Variants in SYN2 observed in about 807,000 individuals in gnomAD.
The protein encoded by SYN2 is synapsin II, also known as synapsin-2.
SYN2 carries 19 observed loss-of-function variants against 50.9 expected under a neutral mutation model. The observed-to-expected ratio is 0.37, with a 90% CI of 0.26 to 0.55. The LOEUF (loss-of-function observed/expected upper bound fraction) is 0.55, where lower values mean the gene tolerates loss of function less well. SYN2 is among the 20% of genes least tolerant of loss of function. The pLI is 0.81. For synonymous variants in SYN2, 255 were observed against 224.9 expected (o/e 1.13, Z -1.20); for missense variants, 587 against 576.4 (o/e 1.02, Z -0.19).
rs575269051 is a variant in SYN2, at chr3:12,056,676, T to G, written c.377+51748T>G. Among the ~76,000 whole-genome samples, 10 of 152,300 alleles carry G rather than the reference T, an allele frequency of 6.6e-5. No homozygotes were observed. The South Asian group carries it at 1.9e-3, about 28-fold the overall frequency. On this transcript the variant is annotated intron_variant, in intron 1 of 12. Coordinates refer to ENST00000621198, the MANE Select transcript of SYN2 (RefSeq NM_133625.6). ...GGCAGAGTCTCAGAAGTTAAATAATTTCCTCATGGTAATGAGTAGGGGGCA... is the reference window on the plus strand; with the variant it reads ...GGCAGAGTCTCAGAAGTTAAATAATGTCCTCATGGTAATGAGTAGGGGGCA...
chr3:12,028,343 C>T (rs1366894997), intron 1 of SYN2, among the ~76,000 whole-genome samples: 3 of 150,522 alleles, frequency 2.0e-5, no homozygotes, highest in East Asian at 3.9e-4. Flanking sequence ...CATACGTGTG[C>T]ATGTGTCTTT....
At chr3:12,062,270 G>C (rs974329952) in intron 1 of SYN2, among the ~76,000 whole-genome samples, 1 of 151,880 alleles carries the variant, frequency 6.6e-6, no homozygotes, top group African/African-American at 2.4e-5. Flanking sequence ...AATTAAATGG[G>C]GAAAGGACAG....
chr3:12,163,165 C>T (rs1436913969), intron 7 of SYN2, among the ~76,000 whole-genome samples: 1 of 149,720 alleles, frequency 6.7e-6, no homozygotes, highest in East Asian at 2.0e-4. Context: ...TGGCATGAAC[C>T]CGGAAGGCAG....
At chr3:12,068,598 C>T (rs1276289503) in intron 1 of SYN2, among the ~76,000 whole-genome samples, 3 of 152,138 alleles carry the variant, frequency 2.0e-5, no homozygotes, top group East Asian at 1.9e-4. Context: ...TTTCTATGCT[C>T]TCTTTTTAGA....
At chr3:12,172,855 A>C (rs1057475297) in intron 10 of SYN2, among the ~76,000 whole-genome samples, 1 of 152,248 alleles carries the variant, frequency 6.6e-6, no homozygotes, top group Non-Finnish European at 1.5e-5. Context: ...TCTTAGGGAA[A>C]AGCCAAATTC....
chr3:12,174,060 T>C (rs1021197730), intron 10 of SYN2, among the ~76,000 whole-genome samples: 2 of 152,082 alleles, frequency 1.3e-5, no homozygotes, highest in African/African-American at 4.8e-5. Context: ...TCGCTTGGTT[T>C]TCATTCTACA....
intron 5 of SYN2, chr3:12,154,374 G>A: frequency 6.2e-7 from 1 of 1,614,190 alleles, no homozygotes; most frequent in Non-Finnish European, 8.5e-7. Context: ...CTTTCCCTCT[G>A]CACCAAGGAC....
At chr3:12,033,570 G>A (rs982343560) in intron 1 of SYN2, among the ~76,000 whole-genome samples, 7 of 151,924 alleles carry the variant, frequency 4.6e-5, no homozygotes, top group African/African-American at 7.3e-5. Flanking sequence ...TATACAATTC[G>A]TTGGTTTTAG....
chr3:12,184,350 G>C (rs1306002648), intron 11 of SYN2: 5 of 985,796 alleles, frequency 5.1e-6, no homozygotes, highest in Non-Finnish European at 1.2e-6. Context: ...ACCTGAGGCT[G>C]CTTTCTGTTC....
intron 10 of SYN2, among the ~76,000 whole-genome samples, chr3:12,177,270 C>T (rs1019073447): frequency 4.6e-5 from 7 of 152,202 alleles, no homozygotes; most frequent in Admixed American, 1.3e-4. Flanking sequence ...GCTTTGAATG[C>T]GTCCCAACAC....
intron 1 of SYN2, among the ~76,000 whole-genome samples, chr3:12,062,210 A>G (rs1052012328): frequency 2.0e-5 from 3 of 152,048 alleles, no homozygotes; most frequent in African/African-American, 7.2e-5. Flanking sequence ...AGAGCCCAGA[A>G]ATAGACTCAC....
intron 1 of SYN2, among the ~76,000 whole-genome samples, chr3:12,109,558 G>A (rs1033398833): frequency 6.6e-6 from 1 of 152,182 alleles, no homozygotes; most frequent in African/African-American, 2.4e-5. Context: ...TGAACAGCCT[G>A]CCATTTAGTT....
intron 1 of SYN2, 23 bp downstream of exon 1, chr3:12,004,951 C>CTCGGGGG (rs1186086474): frequency 2.0e-6 from 1 of 496,788 alleles, no homozygotes; most frequent in Non-Finnish European, 3.5e-6. Flanking sequence ...CGCCGCCGCC[C>CTCGGGGG]TCGGGGGTCG....
intron 1 of SYN2, among the ~76,000 whole-genome samples, chr3:12,087,230 A>C (rs1399695153): frequency 6.6e-6 from 1 of 152,240 alleles, no homozygotes; most frequent in Non-Finnish European, 1.5e-5. Flanking sequence ...ATAAATGGAA[A>C]GATATCTTGT....
intron 1 of SYN2, among the ~76,000 whole-genome samples, chr3:12,089,835 A>G (rs958864480): frequency 2.0e-5 from 3 of 152,090 alleles, no homozygotes; most frequent in Admixed American, 2.0e-4. Context: ...CTATTACCCA[A>G]GGTTTGTGGG....
intron 10 of SYN2, among the ~76,000 whole-genome samples, chr3:12,178,110 G>A (rs944528805): frequency 4.6e-5 from 7 of 152,172 alleles, no homozygotes; most frequent in African/African-American, 1.2e-4. Flanking sequence ...ATTCTTTCCC[G>A]CTGCCTCATT....
intron 1 of SYN2, among the ~76,000 whole-genome samples, chr3:12,038,518 C>T (rs971060685): frequency 6.6e-6 from 1 of 152,074 alleles, no homozygotes; most frequent in Non-Finnish European, 1.5e-5. Flanking sequence ...GAGATATTGG[C>T]ATTTATTAAA....
intron 1 of SYN2, among the ~76,000 whole-genome samples, chr3:12,089,292 G>A (rs1444825039): frequency 6.6e-6 from 1 of 152,170 alleles, no homozygotes; most frequent in African/African-American, 2.4e-5. Context: ...GCAGGCAAGA[G>A]AGAACTTGTA....
At chr3:12,098,328 C>CA (rs958238298) in intron 1 of SYN2, among the ~76,000 whole-genome samples, 6 of 151,826 alleles carry the variant, frequency 4.0e-5, no homozygotes, top group Non-Finnish European at 8.8e-5. Context: ...CCTAGATGTA[C>CA]AAAAAAATGA....
Sources: gnomAD v4.1 joint callset for allele counts (sites outside exome capture counted in the v4.1 genomes callset) on GRCh38, gnomAD v4.1.1 for gene constraint, MANE v1.5 for transcripts, NCBI Gene and HGNC (gene_info 2026-07-23, HGNC 2026-07-21) for gene names.